FRMD5: variants seen among roughly 807,000 people sequenced by gnomAD.
The protein encoded by FRMD5 is FERM domain containing 5.
A neutral mutation model predicts 69.0 loss-of-function variants in FRMD5; 20 were observed. That is an observed-to-expected ratio of 0.29 (90% CI 0.20 to 0.42). The LOEUF (loss-of-function observed/expected upper bound fraction) is 0.42. Among genes scored for constraint, FRMD5 ranks in the 10% least tolerant of loss-of-function variants. FRMD5 has a pLI of 1.00. For missense variants in FRMD5, 595 were observed against 708.6 expected (o/e 0.84, Z 1.82); for synonymous variants, 271 against 260.1 (o/e 1.04, Z -0.40).
Position 43,989,655 on chromosome 15 carries a change from G to A in FRMD5, c.103-65346C>T, listed in dbSNP as rs867617628. 13 of 907,628 alleles carry A rather than the reference G, an allele frequency of 1.4e-5. No homozygotes were observed. The Middle Eastern group carries it at 6.7e-4, about 47-fold the overall frequency. The allele number at this position is 907,628 out of a possible 1,614,324, so 56.2% of individuals were successfully genotyped here. On this transcript the variant is annotated intron_variant, in intron 1 of 13. Coordinates refer to ENST00000417257, the MANE Select transcript of FRMD5 (RefSeq NM_032892.5). ...AGGTCCTGACCAGCCAGGCACACAC[G>A]CAGGATGGCATGGGGGAGGGCATAC...
intron 1 of FRMD5, among the ~76,000 whole-genome samples, chr15:44,064,527 T>C (rs1595685976): frequency 6.6e-6 from 1 of 151,818 alleles, no homozygotes; most frequent in Non-Finnish European, 1.5e-5. Flanking sequence ...ATGCGGAGGG[T>C]GTGATGAGCC....
intron 1 of FRMD5, among the ~76,000 whole-genome samples, chr15:44,097,831 T>C (rs1032506750): frequency 1.1e-4 from 17 of 152,178 alleles, no homozygotes; most frequent in African/African-American, 4.1e-4. Context: ...TTTCCTCCAA[T>C]AGCAGCCTGA....
At chr15:43,979,379 C>T (rs1249582229) in intron 1 of FRMD5, among the ~76,000 whole-genome samples, 1 of 151,548 alleles carries the variant, frequency 6.6e-6, no homozygotes, top group Non-Finnish European at 1.5e-5. Flanking sequence ...ACAGCATGTT[C>T]GTCCACCTCC....
At chr15:44,015,111 A>G (rs1012146797) in intron 1 of FRMD5, among the ~76,000 whole-genome samples, 2 of 151,998 alleles carry the variant, frequency 1.3e-5, no homozygotes, top group African/African-American at 4.8e-5. Context: ...AAATGGTACC[A>G]TGAGACCCAA....
intron 1 of FRMD5, among the ~76,000 whole-genome samples, chr15:44,006,240 G>A (rs1163422888): frequency 6.6e-6 from 1 of 152,184 alleles, no homozygotes; most frequent in Non-Finnish European, 1.5e-5. Context: ...AACAAAGCAT[G>A]GGTGACAGTA....
At chr15:44,008,369 T>G (rs1259279368) in intron 1 of FRMD5, among the ~76,000 whole-genome samples, 2 of 152,032 alleles carry the variant, frequency 1.3e-5, no homozygotes, top group Non-Finnish European at 1.5e-5. Flanking sequence ...GTTCAAGAGA[T>G]TCTTGTGCCT....
At chr15:43,993,787 A>G (rs1889798291) in intron 1 of FRMD5, among the ~76,000 whole-genome samples, 2 of 152,152 alleles carry the variant, frequency 1.3e-5, no homozygotes, top group Admixed American at 6.5e-5. Flanking sequence ...TATATGTATA[A>G]TTGTTATAGT....
At chr15:44,088,065 G>C (rs949715880) in intron 1 of FRMD5, among the ~76,000 whole-genome samples, 1 of 152,122 alleles carries the variant, frequency 6.6e-6, no homozygotes, top group Non-Finnish European at 1.5e-5. Flanking sequence ...TGAGTGTTTA[G>C]AGAGGAAAGA....
intron 7 of FRMD5, among the ~76,000 whole-genome samples, chr15:43,897,311 A>G (rs1168904690): frequency 6.6e-6 from 1 of 151,936 alleles, no homozygotes; most frequent in Non-Finnish European, 1.5e-5. Context: ...AACATGGTGA[A>G]ATTCCATCTC....
chr15:43,948,741 C>T lies in FRMD5; in HGVS notation c.103-24432G>A, dbSNP rs891584390. On this transcript the variant is annotated intron_variant, in intron 1 of 13. Transcript: ENST00000417257. ...TATGCAACCAGTTCTAAGAATTCTC[C>T]GAAAAGGACAGGCCTGTACTGTCCC... 2.6e-5 allele frequency among the ~76,000 whole-genome samples: 4 copies of T among 152,192 alleles called. No individual in the cohort carries two copies. The South Asian group carries it at 6.2e-4, about 24-fold the overall frequency.
intron 1 of FRMD5, among the ~76,000 whole-genome samples, chr15:44,005,134 T>C (rs949172774): frequency 3.8e-4 from 58 of 152,180 alleles, no homozygotes; most frequent in African/African-American, 1.4e-3. Flanking sequence ...GGTTGGTTCA[T>C]GAGGTTTAAG....
At chr15:44,154,372 A>G (rs1422584148) in intron 1 of FRMD5, among the ~76,000 whole-genome samples, 1 of 152,166 alleles carries the variant, frequency 6.6e-6, no homozygotes, top group Non-Finnish European at 1.5e-5. Context: ...TTTAAAAAAA[A>G]AAGACCAATA....
At chr15:43,931,280 T>A (rs1261390657) in intron 1 of FRMD5, among the ~76,000 whole-genome samples, 1 of 152,222 alleles carries the variant, frequency 6.6e-6, no homozygotes, top group Non-Finnish European at 1.5e-5. Context: ...ACTAGTCATG[T>A]CACAGCTGCA....
Position 43,909,907 on chromosome 15 carries a change from G to A in FRMD5, c.402C>T (p.Ala134=), listed in dbSNP as rs770890193. The A allele has an allele frequency of 1.2e-6, 2 of 1,611,966 alleles. No homozygotes were observed. The highest frequency in any genetic ancestry group is 1.1e-5 in the South Asian group (1 of 90,944). Residue 134 remains alanine, a synonymous_variant, in exon 5 of 14, where the codon GCC becomes GCT. Transcript: ENST00000417257. ...GRLLCKTSDA[A]LLAAYILQAE... is the part of the protein sequence containing the mutation. ...CTTGAAGGATGTAAGCTGCTAACAA[G>A]GCAGCATCCGATGTTTTACAGAGGA...
intron 1 of FRMD5, among the ~76,000 whole-genome samples, chr15:44,047,472 G>A (rs1321272993): frequency 6.6e-6 from 1 of 152,144 alleles, no homozygotes; most frequent in African/African-American, 2.4e-5. Flanking sequence ...AGTTTTAAAT[G>A]TTATGTGTTG....
chr15:44,089,167 T>C (rs1172851926), intron 1 of FRMD5, among the ~76,000 whole-genome samples: 1 of 152,174 alleles, frequency 6.6e-6, no homozygotes, highest in Non-Finnish European at 1.5e-5. Flanking sequence ...TGTCTCCAGA[T>C]CTATCCATGT....
intron 1 of FRMD5, among the ~76,000 whole-genome samples, chr15:43,936,496 G>A (rs570435339): frequency 2.0e-3 from 309 of 152,250 alleles, no homozygotes; most frequent in Admixed American, 5.2e-3. Context: ...CGGCCAAGAA[G>A]TATTTGTTGA....
chr15:44,068,396 T>C (rs1346229355), intron 1 of FRMD5, among the ~76,000 whole-genome samples: 1 of 152,204 alleles, frequency 6.6e-6, no homozygotes, highest in South Asian at 2.1e-4. Flanking sequence ...TATAATTGAA[T>C]ATTATTTGCC....
chr15:44,172,186 G>A (rs558182018), intron 1 of FRMD5, among the ~76,000 whole-genome samples: 1 of 151,614 alleles, frequency 6.6e-6, no homozygotes, highest in Admixed American at 6.6e-5. Context: ...GACCTCCTGG[G>A]CTCAAGTGAT....
Sources: allele counts gnomAD v4.1 joint callset (sites outside exome capture counted in the v4.1 genomes callset), GRCh38; gene constraint gnomAD v4.1.1; transcripts MANE v1.5; gene names NCBI Gene and HGNC (gene_info 2026-07-23, HGNC 2026-07-21).